The following XPO4 variants were observed in gnomAD, a reference collection of about 807,000 sequenced individuals.
XPO4 encodes the protein exportin 4, also known as exportin-4.
In XPO4, 39 loss-of-function variants were observed where a neutral mutation model predicts 143.0. The observed-to-expected ratio is 0.27, with a 90% CI of 0.21 to 0.36. XPO4 has a LOEUF of 0.36. XPO4 is among the 10% of genes least tolerant of loss of function. The probability of loss-of-function intolerance (pLI) is 1.00; values close to 1 mark genes in which losing one functional copy is unlikely to be tolerated. For missense variants in XPO4, 907 were observed against 1,348.0 expected, an observed-to-expected ratio of 0.67 and a Z score of 5.12; for synonymous variants, 439 against 474.0, an observed-to-expected ratio of 0.93 and a Z score of 0.96.
chr13:20,804,481 G>A (rs1041162505), intron 13 of XPO4, among the ~76,000 whole-genome samples: 15 of 149,858 alleles, frequency 1.0e-4, no homozygotes, highest in African/African-American at 3.7e-4. Flanking sequence ...TGCTGCTTAT[G>A]CTATTGTCAC....
At chr13:20,823,835 A>G (rs2059751017) in intron 7 of XPO4, among the ~76,000 whole-genome samples, 1 of 152,182 alleles carries the variant, frequency 6.6e-6, no homozygotes, top group African/African-American at 2.4e-5. Context: ...TATTTTTAGT[A>G]GAGACGGGGT....
intron 18 of XPO4, among the ~76,000 whole-genome samples, chr13:20,792,675 C>T (rs1242571084): frequency 1.4e-5 from 2 of 144,842 alleles, no homozygotes; most frequent in Non-Finnish European, 3.0e-5. Flanking sequence ...GAGCCAAGGT[C>T]GCGCCATTGC....
intron 9 of XPO4, among the ~76,000 whole-genome samples, chr13:20,810,907 CA>C (rs1371662987): frequency 6.6e-6 from 1 of 152,004 alleles, no homozygotes; most frequent in African/African-American, 2.4e-5. Context: ...AGTGTTACAC[CA>C]AAACTACACC....
intron 1 of XPO4, among the ~76,000 whole-genome samples, chr13:20,892,877 A>G (rs2060531671): frequency 7.3e-6 from 1 of 136,810 alleles, no homozygotes; most frequent in Admixed American, 7.3e-5. Context: ...AGTAACTCCA[A>G]AAAGTAAAAA....
intron 9 of XPO4, among the ~76,000 whole-genome samples, chr13:20,815,382 A>C (rs1372468991): frequency 6.6e-6 from 1 of 152,104 alleles, no homozygotes; most frequent in Non-Finnish European, 1.5e-5. Flanking sequence ...TGGGATGTTG[A>C]TGGGTGAGGG....
intron 3 of XPO4, among the ~76,000 whole-genome samples, chr13:20,861,449 C>T (rs544755041): frequency 9.6e-4 from 146 of 151,876 alleles, no homozygotes; most frequent in Non-Finnish European, 1.8e-3. Context: ...GCATGCACTA[C>T]CACGCCCGAC....
intron 1 of XPO4, among the ~76,000 whole-genome samples, chr13:20,876,666 T>C (rs1417327168): frequency 6.6e-6 from 1 of 152,138 alleles, no homozygotes; most frequent in Non-Finnish European, 1.5e-5. Context: ...AATTAGTAAA[T>C]TGAACTATAT....
At chr13:20,852,143 G>A (rs2060095944) in intron 4 of XPO4, 3 of 985,294 alleles carry the variant, frequency 3.0e-6, no homozygotes, top group Non-Finnish European at 3.6e-6. Flanking sequence ...TGGCTGGAAT[G>A]ATCACCAAAC....
intron 9 of XPO4, among the ~76,000 whole-genome samples, chr13:20,810,275 C>A (rs910831480): frequency 7.9e-5 from 12 of 152,112 alleles, no homozygotes; most frequent in Non-Finnish European, 4.4e-5. Context: ...AATGTATACA[C>A]CCTACGCACT....
rs2059137616 is a variant in XPO4, at chr13:20,781,115, A to G, written c.*2607T>C. 6.6e-6 allele frequency: 1 copy of G among 152,234 alleles called. No individual in the cohort carries two copies. The highest frequency in any genetic ancestry group is 2.4e-5 in the African/African-American group (1 of 41,448). 9.4% of individuals were successfully genotyped at this position (152,234 alleles called of 1,614,324 possible). On this transcript the variant is annotated 3_prime_UTR_variant, in exon 23 of 23. Transcript: ENST00000255305. ...AGTGTCCCTTTGACATATATAAAAG[A>G]GGGCACAAATAATGTTTTTGTTTTA...
intron 11 of XPO4, 41 bp from the exon 12 acceptor site, chr13:20,808,622 G>A: frequency 6.8e-7 from 1 of 1,463,924 alleles, no homozygotes. Context: ...AGTTCAATAA[G>A]CAAAGACATG....
chr13:20,816,619 A>T (rs1484268459), intron 9 of XPO4, among the ~76,000 whole-genome samples: 6 of 152,242 alleles, frequency 3.9e-5, no homozygotes, highest in African/African-American at 9.6e-5. Flanking sequence ...AACAATAGTT[A>T]TAACAGTAAG....
intron 1 of XPO4, among the ~76,000 whole-genome samples, chr13:20,876,193 C>T (rs915584326): frequency 7.1e-6 from 1 of 141,400 alleles, no homozygotes; most frequent in African/African-American, 2.7e-5. Context: ...ATCCGGAAGG[C>T]AGAGGTTGCA....
At chr13:20,855,461 G>GAAA (rs66665772) in intron 4 of XPO4, among the ~76,000 whole-genome samples, 166 bp downstream of exon 4, 2 of 122,612 alleles carry the variant, frequency 1.6e-5, no homozygotes, top group African/African-American at 5.9e-5. Context: ...TGTCACAAGG[G>GAAA]AAAAAAAAAA....
At position 20,875,111 on chromosome 13, in the gene XPO4, C is replaced by G. The variant is rs185030849; in HGVS notation, c.70-6410G>C. On this transcript the variant is annotated intron_variant, in intron 1 of 22. Coordinates refer to ENST00000255305, the MANE Select transcript of XPO4 (RefSeq NM_022459.5). ...AATTAGAAAACGATAGATGTACCAA[C>G]CAAAAACATAAATACTGGTAGTCTT... is the stretch of plus-strand genomic sequence containing the variant. 1.4e-4 allele frequency among the ~76,000 whole-genome samples: 22 copies of G among 152,198 alleles called. 1 individual carries two copies. The East Asian group carries it at 4.3e-3, about 30-fold the overall frequency.
chr13:20,860,802 C>A (rs2060189763), intron 3 of XPO4, among the ~76,000 whole-genome samples: 1 of 152,108 alleles, frequency 6.6e-6, no homozygotes, highest in African/African-American at 2.4e-5. Context: ...TCTATGAAAA[C>A]CAGAAAAAAA....
Position 20,786,987 on chromosome 13 carries a change from T to C in XPO4, c.3236A>G (p.Tyr1079Cys), listed in dbSNP as rs751287105. 3 of 1,559,184 alleles carry C rather than the reference T, an allele frequency of 1.9e-6. No homozygotes were observed. The highest frequency in any genetic ancestry group is 1.4e-5 in the African/African-American group (1 of 73,398). ...TACCTGGTGCAAACACACCAACGTG[T>C]AGAAAGCTTCGCCAGCCGCAGTGGT... is the stretch of plus-strand genomic sequence containing the variant. ...EMTTAAGEAFYTLVCLHQAEY... is the reference protein window; with the variant it reads ...EMTTAAGEAFCTLVCLHQAEY... Residue 1079 changes from tyrosine to cysteine, a missense_variant, in exon 22 of 23, where the codon TAC becomes TGC. Tyr to Cys is a radical substitution (Grantham distance 194). Transcript: ENST00000255305.
chr13:20,800,877 C>A lies in XPO4; in HGVS notation c.1931G>T (p.Arg644Leu). The A allele has an allele frequency of 6.2e-7, 1 of 1,613,928 alleles. No individual in the cohort carries two copies. Among genetic ancestry groups the A allele is most frequent in the Non-Finnish European group, 8.5e-7 (1 of 1,179,932 alleles). The change falls in exon 14 of 23, where the codon CGC becomes CTC. Residue 644 changes from arginine to leucine, a missense_variant. Arg to Leu is a moderately radical substitution (Grantham distance 102). Transcript: ENST00000255305. ...MGKDIVWFLK[R>L]WAKTYLLVDE... is the part of the protein sequence containing the mutation. The stretch of plus-strand genomic sequence containing the variant: ...CACCAGGAGATAAGTCTTTGCCCAG[C>A]GTTTTAAAAACCAAACAATATCTTT...
intron 21 of XPO4, 134 bp from the exon 22 acceptor site, chr13:20,787,191 T>C: frequency 2.4e-6 from 2 of 832,390 alleles, no homozygotes; most frequent in Non-Finnish European, 3.6e-6. Context: ...TTTTCCTTAA[T>C]GTTTTAAAAA....
Sources: allele counts gnomAD v4.1 joint callset (sites outside exome capture counted in the v4.1 genomes callset), GRCh38; gene constraint gnomAD v4.1.1; transcripts MANE v1.5; gene names NCBI Gene and HGNC (gene_info 2026-07-23, HGNC 2026-07-21).